Variants in WWP2 observed in about 807,000 individuals in gnomAD.
The protein encoded by WWP2 is WW domain containing E3 ubiquitin protein ligase 2.
Under a neutral mutation model 121.0 loss-of-function variants are expected in WWP2, and 57 were observed. The ratio of observed to expected loss-of-function variants is 0.47; its 90% confidence interval spans 0.38 to 0.59. WWP2 has a LOEUF of 0.59. Ranked by LOEUF, WWP2 falls within the 20% of genes least tolerant of loss-of-function variation. The probability of loss-of-function intolerance (pLI) is 0.00; values close to 1 mark genes in which losing one functional copy is unlikely to be tolerated. For missense variants in WWP2, 962 were observed against 1,158.9 expected (o/e 0.83, Z 2.47); for synonymous variants, 449 against 441.3 (o/e 1.02, Z -0.22).
At chr16:69,812,273 C>T in intron 4 of WWP2, among the ~76,000 whole-genome samples, 1 of 142,870 alleles carries the variant, frequency 7.0e-6, no homozygotes, top group Non-Finnish European at 1.5e-5. Flanking sequence ...TCAAGCAATT[C>T]TTCCACCTTA....
chr16:69,936,170 T>C lies in WWP2; in HGVS notation c.1977-142T>C, dbSNP rs543562374. ...TGGGGACAGTTCTAGAACCTTCTCC[T>C]TGAGTCAAGGAGCTGTCCCCTGTCA... is the stretch of plus-strand genomic sequence containing the variant. On this transcript the variant is annotated intron_variant, in intron 18 of 23. Coordinates refer to ENST00000359154, the MANE Select transcript of WWP2 (RefSeq NM_001270454.2). 51 of 1,445,354 alleles carry C rather than the reference T, an allele frequency of 3.5e-5. No individual in the cohort carries two copies. The African/African-American group carries it at 6.7e-4, about 19-fold the overall frequency. The allele number at this position is 1,445,354 out of a possible 1,614,324, so 89.5% of individuals were successfully genotyped here.
At chr16:69,861,761 C>A (rs1170048252) in intron 6 of WWP2, among the ~76,000 whole-genome samples, 1 of 151,694 alleles carries the variant, frequency 6.6e-6, no homozygotes, top group Non-Finnish European at 1.5e-5. Flanking sequence ...GTTTCTTTTC[C>A]CATTACGGCT....
chr16:69,771,562 G>A (rs1457335405), intron 1 of WWP2, among the ~76,000 whole-genome samples: 1 of 152,172 alleles, frequency 6.6e-6, no homozygotes, highest in African/African-American at 2.4e-5. Flanking sequence ...TAGCTTTGTA[G>A]TAAGTTTTAA....
chr16:69,853,541 G>A (rs1427366108), intron 6 of WWP2, among the ~76,000 whole-genome samples: 1 of 152,176 alleles, frequency 6.6e-6, no homozygotes, highest in East Asian at 1.9e-4. Flanking sequence ...GGAGGGTCTG[G>A]AAGTCTTCTA....
chr16:69,811,921 T>A (rs1443940958), intron 4 of WWP2, among the ~76,000 whole-genome samples: 1 of 152,194 alleles, frequency 6.6e-6, no homozygotes, highest in Non-Finnish European at 1.5e-5. Context: ...CATCCCTAAA[T>A]ACTGATGTGT....
intron 4 of WWP2, among the ~76,000 whole-genome samples, chr16:69,801,741 G>A (rs1363706837): frequency 6.6e-6 from 1 of 151,730 alleles, no homozygotes; most frequent in African/African-American, 2.4e-5. Context: ...ATACATTTTT[G>A]AGCTTTTAAA....
rs866083638 is a variant in WWP2 at position 69,913,030 on chromosome 16, T to A, written c.1004+4180T>A. Among the ~76,000 whole-genome samples, 53 of 48,336 alleles carry A rather than the reference T, an allele frequency of 1.1e-3. 4 individuals are homozygous for A. Among genetic ancestry groups the A allele is most frequent in the African/African-American group, 3.7e-3 (48 of 13,078 alleles). 31.7% of individuals were successfully genotyped at this position (48,336 alleles called of 152,430 possible). On this transcript the variant is annotated intron_variant, in intron 9 of 23. Transcript: ENST00000359154. ...TTTTTTTTTTTTTTTTTTTTTTTTTTTTTTTTTTTTGAGACAGAATTTTTG... is the reference window on the plus strand; with the variant it reads ...TTTTTTTTTTTTTTTTTTTTTTTTTATTTTTTTTTTGAGACAGAATTTTTG...
At chr16:69,839,795 G>C (rs576324233) in intron 4 of WWP2, among the ~76,000 whole-genome samples, 2 of 152,118 alleles carry the variant, frequency 1.3e-5, no homozygotes, top group South Asian at 4.1e-4. Context: ...TAATTTCTTC[G>C]TCTGTACGCC....
chr16:69,872,484 G>A (rs1283834761), intron 7 of WWP2, among the ~76,000 whole-genome samples: 1 of 152,138 alleles, frequency 6.6e-6, no homozygotes, highest in Non-Finnish European at 1.5e-5. Flanking sequence ...CAAAGTTCTG[G>A]GATTACAGAC....
At chr16:69,802,676 C>T (rs2056194835) in intron 4 of WWP2, among the ~76,000 whole-genome samples, 2 of 151,446 alleles carry the variant, frequency 1.3e-5, no homozygotes, top group South Asian at 4.2e-4. Context: ...TCTCGGCTCA[C>T]TGCAACCCCT....
intron 6 of WWP2, among the ~76,000 whole-genome samples, chr16:69,846,840 G>T (rs936118928): frequency 3.3e-5 from 5 of 152,216 alleles, no homozygotes; most frequent in African/African-American, 9.6e-5. Flanking sequence ...TAAGATACTG[G>T]TCATGTTGTT....
chr16:69,886,757 C>T (rs577541345), intron 7 of WWP2, among the ~76,000 whole-genome samples: 42 of 152,244 alleles, frequency 2.8e-4, no homozygotes, highest in African/African-American at 8.4e-4. Flanking sequence ...GAGACTGTGT[C>T]TCAAAACAAA....
chr16:69,809,219 T>C (rs909144496), intron 4 of WWP2, among the ~76,000 whole-genome samples: 27 of 152,194 alleles, frequency 1.8e-4, no homozygotes, highest in African/African-American at 6.5e-4. Flanking sequence ...GGCTTTTTCT[T>C]AGAAAAACAA....
At chr16:69,920,167 G>T (rs2058538515) in intron 10 of WWP2, among the ~76,000 whole-genome samples, 1 of 152,150 alleles carries the variant, frequency 6.6e-6, no homozygotes, top group South Asian at 2.1e-4. Context: ...TGTCTGTGGG[G>T]ATGGATTGCT....
intron 8 of WWP2, among the ~76,000 whole-genome samples, chr16:69,899,954 ACAAG>A (rs1374130490): frequency 7.3e-6 from 1 of 136,898 alleles, no homozygotes; most frequent in Non-Finnish European, 1.7e-5. Context: ...AAATACCTGA[ACAAG>A]TCAATATTTA....
chr16:69,891,654 C>A (rs1309069577), intron 8 of WWP2, among the ~76,000 whole-genome samples: 3 of 152,176 alleles, frequency 2.0e-5, no homozygotes, highest in Admixed American at 2.0e-4. Flanking sequence ...CAGTTCTCCC[C>A]CTGGCTCGAC....
At chr16:69,929,569 G>A in intron 12 of WWP2, 40 bp downstream of exon 12, 1 of 1,580,018 alleles carries the variant, frequency 6.3e-7, no homozygotes, top group African/African-American at 1.3e-5. Context: ...GCTGGGCTGG[G>A]TCTCTGTGCA....
At chr16:69,798,566 A>G (rs2056095873) in intron 2 of WWP2, 116 bp from the exon 3 acceptor site, 2 of 1,264,036 alleles carry the variant, frequency 1.6e-6, no homozygotes, top group Admixed American at 2.4e-5. Context: ...AGACAAAACA[A>G]AATGTATTGA....
intron 6 of WWP2, among the ~76,000 whole-genome samples, chr16:69,857,552 A>G (rs922094608): frequency 2.6e-5 from 4 of 151,626 alleles, no homozygotes; most frequent in African/African-American, 9.7e-5. Context: ...CCCGGCCTGA[A>G]GGTTTTCTGT....
Sources: allele counts gnomAD v4.1 joint callset (sites outside exome capture counted in the v4.1 genomes callset), GRCh38; gene constraint gnomAD v4.1.1; transcripts MANE v1.5; gene names NCBI Gene and HGNC (gene_info 2026-07-23, HGNC 2026-07-21).